Variants in NCALD observed in about 807,000 individuals in gnomAD.
The protein encoded by NCALD is neurocalcin delta, also known as neurocalcin-delta.
Under a neutral mutation model 18.6 loss-of-function variants are expected in NCALD, and 10 were observed. The ratio of observed to expected loss-of-function variants is 0.54; its 90% CI spans 0.33 to 0.91. NCALD has a LOEUF of 0.91. Among genes scored for constraint, NCALD ranks in the 40% least tolerant of loss-of-function variants. The pLI, the probability that NCALD is intolerant of heterozygous loss-of-function variation, is 0.03. For synonymous variants in NCALD, 88 were observed against 87.4 expected (o/e 1.01, Z -0.04); for missense variants, 184 against 247.6 (o/e 0.74, Z 1.72).
chr8:101,872,017 A>C (rs1816042317), intron 4 of NCALD: 1 of 1,030,404 alleles, frequency 9.7e-7, no homozygotes, highest in African/African-American at 1.6e-5. Context: ...AGGACCGATC[A>C]ACTGAGCCTT....
intron 1 of NCALD, among the ~76,000 whole-genome samples, chr8:102,079,114 C>A (rs1380960695): frequency 6.6e-6 from 1 of 152,142 alleles, no homozygotes; most frequent in African/African-American, 2.4e-5. Flanking sequence ...GCTGCAGTAC[C>A]CATGAAGGCT....
At chr8:102,089,305 A>T (rs1461825356) in intron 1 of NCALD, among the ~76,000 whole-genome samples, 1 of 152,094 alleles carries the variant, frequency 6.6e-6, no homozygotes, top group Non-Finnish European at 1.5e-5. Flanking sequence ...GAGGCAGAAG[A>T]ATGGCATGAA....
intron 4 of NCALD, among the ~76,000 whole-genome samples, chr8:101,817,072 C>G (rs1024597269): frequency 6.6e-6 from 1 of 152,112 alleles, no homozygotes; most frequent in African/African-American, 2.4e-5. Flanking sequence ...TTTCATCACA[C>G]AAGCCACAGA....
intron 4 of NCALD, among the ~76,000 whole-genome samples, chr8:101,830,593 GA>G (rs1320429099): frequency 7.2e-5 from 11 of 152,052 alleles, no homozygotes; most frequent in African/African-American, 2.6e-4. Context: ...TATTAGCTCA[GA>G]TGACATTGTC....
intron 3 of NCALD, among the ~76,000 whole-genome samples, chr8:101,900,288 T>C (rs1216288785): frequency 6.6e-6 from 1 of 151,920 alleles, no homozygotes; most frequent in East Asian, 1.9e-4. Context: ...AATTTTCTTT[T>C]CAAAGAACTA....
chr8:101,991,512 T>A (rs962313785), intron 2 of NCALD, among the ~76,000 whole-genome samples: 15 of 152,180 alleles, frequency 9.9e-5, no homozygotes, highest in African/African-American at 3.6e-4. Flanking sequence ...TTCAGAAGGT[T>A]ACAAAAAGTT....
intron 2 of NCALD, among the ~76,000 whole-genome samples, chr8:101,943,113 G>A (rs2131764770): frequency 1.3e-5 from 2 of 152,248 alleles, no homozygotes; most frequent in African/African-American, 4.8e-5. Context: ...CATTGTTGGG[G>A]GGTTCTGGCA....
At chr8:101,901,788 C>T (rs1365901590) in intron 3 of NCALD, among the ~76,000 whole-genome samples, 5 of 150,600 alleles carry the variant, frequency 3.3e-5, no homozygotes, top group Non-Finnish European at 7.4e-5. Context: ...TTGCATTACT[C>T]TTTTCTCTTC....
intron 1 of NCALD, among the ~76,000 whole-genome samples, chr8:101,762,604 T>TA (rs1368079675): frequency 1.3e-5 from 2 of 151,892 alleles, no homozygotes; most frequent in Non-Finnish European, 2.9e-5. Flanking sequence ...TTTTTTTTTT[T>TA]TTTTCTGTCA....
intron 2 of NCALD, among the ~76,000 whole-genome samples, chr8:101,932,477 G>A (rs566480804): frequency 6.6e-6 from 1 of 152,326 alleles, no homozygotes; most frequent in South Asian, 2.1e-4. Context: ...TGTTTCAGCA[G>A]CACTTCTGCT....
rs183027587 is a variant in NCALD at position 101,808,245 on chromosome 8, T to C, written c.-20+78896A>G. Among the ~76,000 whole-genome samples, 344 of 152,272 alleles carry C rather than the reference T, an allele frequency of 2.3e-3. 1 individual carries two copies. Among genetic ancestry groups the C allele is most frequent in the Non-Finnish European group, 3.8e-3 (257 of 68,010 alleles). ...GAGTAGTAAGCACCTGCTGCTTGAA[T>C]ACTTTCCAGTAACAGTGAGCTCTCC... On this transcript the variant is annotated intron_variant, in intron 4 of 6. Transcript: ENST00000311028.
intron 4 of NCALD, among the ~76,000 whole-genome samples, chr8:101,861,931 T>C (rs897527297): frequency 1.3e-5 from 2 of 152,208 alleles, no homozygotes; most frequent in African/African-American, 4.8e-5. Context: ...CTGCAGTAAA[T>C]AGAAGATACA....
intron 1 of NCALD, among the ~76,000 whole-genome samples, chr8:102,066,455 G>A (rs1824012035): frequency 6.6e-6 from 1 of 152,186 alleles, no homozygotes; most frequent in South Asian, 2.1e-4. Flanking sequence ...CACTCACTGT[G>A]TGAGTGGCAC....
At chr8:101,955,230 T>C (rs1287755376) in intron 2 of NCALD, among the ~76,000 whole-genome samples, 1 of 152,214 alleles carries the variant, frequency 6.6e-6, no homozygotes, top group Non-Finnish European at 1.5e-5. Flanking sequence ...TCCCTAGACC[T>C]AGTTTTATAT....
rs1245163266 is a variant in NCALD, at chr8:101,845,457, C to T, written c.-20+41684G>A. ...GCAGATGGATATTATGGGATGACTA[C>T]AACCCTCTCCACACAAGCCATCCCT... On this transcript the variant is annotated intron_variant, in intron 4 of 6. Transcript: ENST00000311028. 2.0e-5 allele frequency among the ~76,000 whole-genome samples: 3 copies of T among 152,204 alleles called. No individual in the cohort carries two copies. The East Asian group carries it at 5.8e-4, about 29-fold the overall frequency.
At chr8:101,891,537 G>A (rs929986594) in intron 3 of NCALD, among the ~76,000 whole-genome samples, 60 of 152,282 alleles carry the variant, frequency 3.9e-4, no homozygotes, top group African/African-American at 1.4e-3. Flanking sequence ...GAACAGCTCC[G>A]GTCTACAGCT....
At chr8:102,046,158 T>C (rs956339402) in intron 1 of NCALD, among the ~76,000 whole-genome samples, 1 of 152,216 alleles carries the variant, frequency 6.6e-6, no homozygotes, top group Non-Finnish European at 1.5e-5. Context: ...CAAGTATCTA[T>C]AAACTCCGCT....
intron 1 of NCALD, among the ~76,000 whole-genome samples, chr8:101,755,700 C>G (rs543887874): frequency 6.6e-6 from 1 of 152,222 alleles, no homozygotes; most frequent in African/African-American, 2.4e-5. Flanking sequence ...CTCCTACAGC[C>G]TCACTGCTGT....
chr8:101,703,379 G>A (rs761753089), intron 2 of NCALD, among the ~76,000 whole-genome samples: 1 of 151,140 alleles, frequency 6.6e-6, no homozygotes, highest in Non-Finnish European at 1.5e-5. Flanking sequence ...GCCCTGCCTT[G>A]AAGGAGCTCA....
Sources: gnomAD v4.1 joint callset for allele counts (sites outside exome capture counted in the v4.1 genomes callset) on GRCh38, gnomAD v4.1.1 for gene constraint, MANE v1.5 for transcripts, NCBI Gene and HGNC (gene_info 2026-07-23, HGNC 2026-07-21) for gene names.